Variants in MKLN1 observed in about 807,000 individuals in gnomAD.
MKLN1 encodes the protein muskelin 1.
In MKLN1, 18 loss-of-function variants were observed where a neutral mutation model predicts 99.0. The observed-to-expected ratio is 0.18, with a 90% confidence interval of 0.13 to 0.27. MKLN1 has a LOEUF of 0.27. Ranked by LOEUF, MKLN1 falls within the 10% of genes least tolerant of loss-of-function variation. The pLI is 1.00. For synonymous variants in MKLN1, 288 were observed against 293.2 expected (o/e 0.98, Z 0.18); for missense variants, 621 against 875.9 (o/e 0.71, Z 3.67).
At chr7:131,396,849 G>T (rs1794376740) in intron 4 of MKLN1, among the ~76,000 whole-genome samples, 1 of 152,004 alleles carries the variant, frequency 6.6e-6, no homozygotes, top group Non-Finnish European at 1.5e-5. Context: ...GCTGTGATTG[G>T]CCTTAAGTCT....
chr7:131,248,085 ATTTAT>A (rs1797522561), intron 3 of MKLN1, among the ~76,000 whole-genome samples: 2 of 151,384 alleles, frequency 1.3e-5, no homozygotes, highest in African/African-American at 4.9e-5. Flanking sequence ...TTATTTATTT[ATTTAT>A]TTATTTATTT....
Position 131,223,705 on chromosome 7 carries a change from A to C in MKLN1, c.-179+20731A>C, listed in dbSNP as rs530634421. 2.0e-5 allele frequency among the ~76,000 whole-genome samples: 3 copies of C among 152,314 alleles called. No individual in the cohort carries two copies. The East Asian group carries it at 5.8e-4, about 29-fold the overall frequency. ...AACTGATAGCGAATTCTTGCTAAGA[A>C]ATGAGCTGATCACTTCTGAGTTACA... On this transcript the variant is annotated intron_variant, in intron 3 of 7. Transcript: ENST00000416992.
intron 3 of MKLN1, among the ~76,000 whole-genome samples, chr7:131,286,571 A>T (rs1798135371): frequency 6.6e-6 from 1 of 152,134 alleles, no homozygotes; most frequent in Admixed American, 6.5e-5. Context: ...AGTCAGTAGA[A>T]ATTGTTATTT....
chr7:131,239,901 G>T (rs1797375763), intron 3 of MKLN1, among the ~76,000 whole-genome samples: 1 of 151,774 alleles, frequency 6.6e-6, no homozygotes, highest in Non-Finnish European at 1.5e-5. Context: ...GCAAGGTAAG[G>T]CCAGGCTTGG....
At chr7:131,217,533 A>T (rs1360767407) in intron 3 of MKLN1, among the ~76,000 whole-genome samples, 1 of 147,742 alleles carries the variant, frequency 6.8e-6, no homozygotes. Context: ...CCCTGTCTCT[A>T]CTAAAAATAC....
At chr7:131,367,037 CTT>C (rs1412250806) in intron 1 of MKLN1, among the ~76,000 whole-genome samples, 2 of 152,098 alleles carry the variant, frequency 1.3e-5, no homozygotes, top group African/African-American at 4.8e-5. Context: ...AGACATATAA[CTT>C]GGGAAAAATT....
At chr7:131,318,486 C>T (rs996453848) in intron 3 of MKLN1, among the ~76,000 whole-genome samples, 1 of 152,128 alleles carries the variant, frequency 6.6e-6, no homozygotes, top group Non-Finnish European at 1.5e-5. Flanking sequence ...GCACTGAATG[C>T]CCATATCAGA....
At chr7:131,428,364 T>C (rs1055147028) in intron 8 of MKLN1, among the ~76,000 whole-genome samples, 1 of 152,108 alleles carries the variant, frequency 6.6e-6, no homozygotes, top group South Asian at 2.1e-4. Context: ...TTCTGATGAG[T>C]TAAATGTACC....
At chr7:131,267,356 T>TAAATA (rs1334312349) in intron 3 of MKLN1, among the ~76,000 whole-genome samples, 1 of 151,872 alleles carries the variant, frequency 6.6e-6, no homozygotes, top group East Asian at 1.9e-4. Context: ...AATAAATAAA[T>TAAATA]ATACATATAA....
intron 6 of MKLN1, among the ~76,000 whole-genome samples, chr7:131,406,224 C>T (rs781276958): frequency 6.6e-6 from 1 of 151,720 alleles, no homozygotes; most frequent in Non-Finnish European, 1.5e-5. Context: ...TATGGCATAT[C>T]TTTTCCATCT....
chr7:131,283,338 C>CCTT (rs1798081694), intron 3 of MKLN1, among the ~76,000 whole-genome samples: 3 of 57,908 alleles, frequency 5.2e-5, no homozygotes, highest in African/African-American at 1.2e-4. Context: ...TCCTTCCCTT[C>CCTT]CCTTCCCCTC....
At chr7:131,279,728 C>A (rs1798024446) in intron 3 of MKLN1, among the ~76,000 whole-genome samples, 1 of 152,078 alleles carries the variant, frequency 6.6e-6, no homozygotes, top group South Asian at 2.1e-4. Flanking sequence ...ATCACCTGAG[C>A]CTGGCAAGGT....
At chr7:131,240,964 C>T (rs1183914008) in intron 3 of MKLN1, among the ~76,000 whole-genome samples, 1 of 152,218 alleles carries the variant, frequency 6.6e-6, no homozygotes, top group African/African-American at 2.4e-5. Context: ...ACACCTTGGT[C>T]CTTCCAAGAT....
chr7:131,227,495 C>CTCTTTCTTTCTTTCTTTCTG (rs1797171371), intron 3 of MKLN1, among the ~76,000 whole-genome samples: 1 of 115,710 alleles, frequency 8.6e-6, no homozygotes. Flanking sequence ...CTCTTTCTTT[C>CTCTTTCTTTCTTTCTTTCTG]TCTTTCTTTC....
chr7:131,391,587 G>A (rs1433965720), intron 4 of MKLN1, among the ~76,000 whole-genome samples: 1 of 152,200 alleles, frequency 6.6e-6, no homozygotes, highest in Non-Finnish European at 1.5e-5. Context: ...AAGATCTGTT[G>A]TGGATAATTC....
At chr7:131,194,899 C>A (rs6467361) in intron 2 of MKLN1, among the ~76,000 whole-genome samples, 1 of 152,068 alleles carries the variant, frequency 6.6e-6, no homozygotes, top group East Asian at 1.9e-4. Context: ...TTTAAAGGCA[C>A]CAAATCATGA....
chr7:131,452,923 T>C (rs1295128679), intron 12 of MKLN1, among the ~76,000 whole-genome samples: 2 of 152,204 alleles, frequency 1.3e-5, no homozygotes, highest in Non-Finnish European at 2.9e-5. Context: ...AAGCTGATGA[T>C]TTGCTGTCAT....
intron 13 of MKLN1, 120 bp from the exon 14 acceptor site, chr7:131,464,174 G>T (rs1342261692): frequency 5.7e-6 from 3 of 527,388 alleles, no homozygotes; most frequent in Admixed American, 2.9e-5. Context: ...TTTAAGATAC[G>T]ATGTGAACGC....
At chr7:131,379,051 A>G (rs2116859514) in intron 2 of MKLN1, among the ~76,000 whole-genome samples, 1 of 152,268 alleles carries the variant, frequency 6.6e-6, no homozygotes, top group Non-Finnish European at 1.5e-5. Flanking sequence ...GTTATAGCTT[A>G]TGTATTGGTT....
Sources: allele counts gnomAD v4.1 joint callset (sites outside exome capture counted in the v4.1 genomes callset), GRCh38; gene constraint gnomAD v4.1.1; transcripts MANE v1.5; gene names NCBI Gene and HGNC (gene_info 2026-07-23, HGNC 2026-07-21).